Variants in CTNNA3 observed in about 807,000 individuals in gnomAD.
CTNNA3 encodes the protein catenin alpha 3.
Under a neutral mutation model 95.7 loss-of-function variants are expected in CTNNA3, and 76 were observed. The observed-to-expected ratio is 0.79, with a 90% CI of 0.66 to 0.96. The LOEUF is 0.96. CTNNA3 is among the 40% of genes least tolerant of loss of function. The pLI is 0.00. For synonymous variants in CTNNA3, 431 were observed against 374.4 expected (o/e 1.15, Z -1.74); for missense variants, 1,191 against 1,089.8 (o/e 1.09, Z -1.31).
intron 16 of CTNNA3, among the ~76,000 whole-genome samples, chr10:65,986,297 C>CA (rs1291660598): frequency 3.1e-5 from 4 of 128,668 alleles, no homozygotes; most frequent in Admixed American, 8.3e-5. Context: ...AATATATATA[C>CA]AAAAAAAAGA....
chr10:66,138,845 G>A (rs1474037859), intron 13 of CTNNA3, among the ~76,000 whole-genome samples: 1 of 152,128 alleles, frequency 6.6e-6, no homozygotes, highest in African/African-American at 2.4e-5. Flanking sequence ...GGAACAAAGG[G>A]AGACTGTTTC....
chr10:65,936,009 A>C (rs1431208268), intron 17 of CTNNA3, among the ~76,000 whole-genome samples: 1 of 152,146 alleles, frequency 6.6e-6, no homozygotes, highest in Non-Finnish European at 1.5e-5. Flanking sequence ...GAAAAGTATC[A>C]ATCTTGCTTC....
rs369715668 is a variant in CTNNA3 at position 66,823,708 on chromosome 10, G to A, written c.1048-48184C>T. On this transcript the variant is annotated intron_variant, in intron 7 of 17. Coordinates refer to ENST00000433211, the MANE Select transcript of CTNNA3 (RefSeq NM_013266.4). ...GAGTGAGTTTTGTGCTAGACACTGCGCTGGACACTTTATATGCTTTATCCC... is the reference window on the plus strand; with the variant it reads ...GAGTGAGTTTTGTGCTAGACACTGCACTGGACACTTTATATGCTTTATCCC... Among the ~76,000 whole-genome samples the A allele has an allele frequency of 1.2e-4, 19 of 152,274 alleles. 1 individual carries two copies. Among genetic ancestry groups the A allele is most frequent in the Admixed American group, 2.6e-4 (4 of 15,294 alleles).
chr10:67,138,308 A>G (rs1730615229), intron 7 of CTNNA3, among the ~76,000 whole-genome samples: 1 of 152,230 alleles, frequency 6.6e-6, no homozygotes. Flanking sequence ...TCAAAGAACA[A>G]CATAAGTGGA....
At chr10:66,493,348 A>G (rs963688789) in intron 11 of CTNNA3, among the ~76,000 whole-genome samples, 1 of 152,202 alleles carries the variant, frequency 6.6e-6, no homozygotes, top group Non-Finnish European at 1.5e-5. Flanking sequence ...ATGATTTGCA[A>G]CAAAGGCAAT....
chr10:66,157,491 GTAGATAGATAGATAGA>G (rs34507083), intron 13 of CTNNA3, among the ~76,000 whole-genome samples: 13,551 of 147,410 alleles, frequency 0.092, 754 homozygotes, highest in South Asian at 0.17. Flanking sequence ...AGATAGATAT[GTAGATAGATAGATAGA>G]TAGATAGATA....
chr10:66,986,062 C>T (rs1051974358), intron 7 of CTNNA3, among the ~76,000 whole-genome samples: 2 of 152,078 alleles, frequency 1.3e-5, no homozygotes, highest in Non-Finnish European at 2.9e-5. Context: ...ATTGTACTTA[C>T]AATTTTGATA....
At chr10:67,536,270 G>T (rs1840483533) in intron 4 of CTNNA3, among the ~76,000 whole-genome samples, 1 of 152,028 alleles carries the variant, frequency 6.6e-6, no homozygotes, top group Non-Finnish European at 1.5e-5. Context: ...CTTTTCTATT[G>T]CCTTGATTCT....
chr10:67,750,439 A>T, intron 1 of CTNNA3: 1 of 1,491,764 alleles, frequency 6.7e-7, no homozygotes, highest in Non-Finnish European at 9.4e-7. Flanking sequence ...ATCAGAATGA[A>T]CATGAGGTGG....
At chr10:66,161,154 G>C (rs1332942262) in intron 13 of CTNNA3, among the ~76,000 whole-genome samples, 1 of 152,158 alleles carries the variant, frequency 6.6e-6, no homozygotes, top group Admixed American at 6.5e-5. Context: ...TTTTTAAGTG[G>C]AGCATTTAGG....
At chr10:66,605,883 A>G (rs137921715) in intron 10 of CTNNA3, among the ~76,000 whole-genome samples, 45 of 152,280 alleles carry the variant, frequency 3.0e-4, no homozygotes, top group African/African-American at 1.1e-3. Flanking sequence ...GACACTATAA[A>G]GCAACCACAC....
intron 7 of CTNNA3, among the ~76,000 whole-genome samples, chr10:66,861,591 G>GATACATATT (rs1238887395): frequency 6.6e-6 from 1 of 152,066 alleles, no homozygotes; most frequent in Non-Finnish European, 1.5e-5. Flanking sequence ...TGGATAGATG[G>GATACATATT]ATACATATTG....
At chr10:66,356,759 T>C (rs2092614149) in intron 12 of CTNNA3, among the ~76,000 whole-genome samples, 1 of 152,040 alleles carries the variant, frequency 6.6e-6, no homozygotes, top group African/African-American at 2.4e-5. Flanking sequence ...GTTGATACCT[T>C]TTATCAAATT....
chr10:67,379,456 T>A (rs1260540397), intron 5 of CTNNA3, among the ~76,000 whole-genome samples: 1 of 152,198 alleles, frequency 6.6e-6, no homozygotes, highest in Non-Finnish European at 1.5e-5. Context: ...ATTAATATAG[T>A]TAAATATAAA....
chr10:66,602,794 T>G (rs1204064570), intron 10 of CTNNA3, among the ~76,000 whole-genome samples: 2 of 152,022 alleles, frequency 1.3e-5, no homozygotes, highest in Non-Finnish European at 2.9e-5. Context: ...TTTTAACATG[T>G]GCAAATCAAA....
Position 67,091,769 on chromosome 10 carries a change from G to A in CTNNA3, c.1047+88548C>T, listed in dbSNP as rs544995322. ...CATGGGACATTTGGAACAAGAGACAGGGAGTCAAAGTAGATGGGCAACAAG... is the reference window on the plus strand; with the variant it reads ...CATGGGACATTTGGAACAAGAGACAAGGAGTCAAAGTAGATGGGCAACAAG... On this transcript the variant is annotated intron_variant, in intron 7 of 17. Transcript: ENST00000433211. Among the ~76,000 whole-genome samples, 3 of 152,110 alleles carry A rather than the reference G, an allele frequency of 2.0e-5. No homozygotes were observed. In the East Asian group the frequency reaches 5.8e-4, roughly 30 times the overall value.
At chr10:66,878,261 A>C (rs1415416953) in intron 7 of CTNNA3, among the ~76,000 whole-genome samples, 1 of 152,128 alleles carries the variant, frequency 6.6e-6, no homozygotes, top group African/African-American at 2.4e-5. Flanking sequence ...TAAATGTTTT[A>C]GAATACAATA....
At chr10:66,387,887 C>G (rs1373104993) in intron 11 of CTNNA3, among the ~76,000 whole-genome samples, 1 of 152,054 alleles carries the variant, frequency 6.6e-6, no homozygotes, top group Non-Finnish European at 1.5e-5. Flanking sequence ...TTGGTGGGAA[C>G]TGAACAATGA....
chr10:67,288,009 T>C (rs1839678656), intron 5 of CTNNA3, among the ~76,000 whole-genome samples: 1 of 152,194 alleles, frequency 6.6e-6, no homozygotes, highest in Admixed American at 6.5e-5. Flanking sequence ...ATTTCATGTA[T>C]TGTTAATATG....
Sources: allele counts gnomAD v4.1 joint callset (sites outside exome capture counted in the v4.1 genomes callset), GRCh38; gene constraint gnomAD v4.1.1; transcripts MANE v1.5; gene names NCBI Gene and HGNC (gene_info 2026-07-23, HGNC 2026-07-21).